INPP4A: variants seen among roughly 807,000 people sequenced by gnomAD.
INPP4A encodes the protein inositol polyphosphate-4-phosphatase type I A.
In INPP4A, 33 loss-of-function variants were observed where a neutral mutation model predicts 119.8. The ratio of observed to expected loss-of-function variants is 0.28; its 90% CI spans 0.21 to 0.37. The LOEUF (loss-of-function observed/expected upper bound fraction) is 0.37. Ranked by LOEUF, INPP4A falls within the 10% of genes least tolerant of loss-of-function variation. The probability of loss-of-function intolerance (pLI) is 1.00; values close to 1 mark genes in which losing one functional copy is unlikely to be tolerated. For missense variants in INPP4A, 956 were observed against 1,289.9 expected, an observed-to-expected ratio of 0.74 and a Z score of 3.97; for synonymous variants, 496 against 500.7, an observed-to-expected ratio of 0.99 and a Z score of 0.12.
chr2:98,490,855 AG>A lies in INPP4A; in HGVS notation c.-165-28105del, dbSNP rs1680581989. Among the ~76,000 whole-genome samples the A allele has an allele frequency of 1.3e-5, 2 of 152,208 alleles. 1 individual carries two copies. Among genetic ancestry groups the A allele is most frequent in the South Asian group, 4.1e-4 (2 of 4,836 alleles). On this transcript the variant is annotated intron_variant, in intron 1 of 24. Coordinates refer to ENST00000409851, the MANE Select transcript of INPP4A (RefSeq NM_001134225.2). ...CCTTTGGCTGTCATAACAAGTCATG[AG>A]GGGCTTTTGTTTGTTTTCCAAAATT...
chr2:98,474,281 G>T (rs1415176032), intron 1 of INPP4A, among the ~76,000 whole-genome samples: 1 of 152,202 alleles, frequency 6.6e-6, no homozygotes, highest in East Asian at 1.9e-4. Flanking sequence ...AGGGCCACCC[G>T]CAGCCTTCCC....
intron 24 of INPP4A, among the ~76,000 whole-genome samples, chr2:98,586,986 A>G (rs913742740): frequency 3.9e-5 from 6 of 152,236 alleles, no homozygotes; most frequent in African/African-American, 1.4e-4. Flanking sequence ...TGGCTTTGCT[A>G]CATGTTGAAT....
At chr2:98,447,046 T>A (rs1558845072) in intron 1 of INPP4A, among the ~76,000 whole-genome samples, 1 of 152,188 alleles carries the variant, frequency 6.6e-6, no homozygotes, top group Non-Finnish European at 1.5e-5. Flanking sequence ...GGAATGGACC[T>A]GAAGGCGGTG....
rs1455937301 is a variant in INPP4A, at chr2:98,588,879, G to A, written c.*1271G>A. On this transcript the variant is annotated 3_prime_UTR_variant, in exon 25 of 25. Coordinates refer to ENST00000409851, the MANE Select transcript of INPP4A (RefSeq NM_001134225.2). ...AATACATATGGCACATATTAATGAT[G>A]CTGATCCTAATGATTTGTGAACCTC... is the stretch of plus-strand genomic sequence containing the variant. 4.8e-6 allele frequency: 1 copy of A among 208,636 alleles called. No homozygotes were observed. The highest frequency in any genetic ancestry group is 9.7e-6 in the Non-Finnish European group (1 of 102,866). 12.9% of individuals were successfully genotyped at this position (208,636 alleles called of 1,614,324 possible). A position where few individuals can be genotyped will look rare whatever the true frequency, so the allele number is the denominator to read the frequency against.
chr2:98,558,565 C>G (rs1436308881), intron 16 of INPP4A, among the ~76,000 whole-genome samples: 2 of 152,186 alleles, frequency 1.3e-5, no homozygotes, highest in Non-Finnish European at 2.9e-5. Flanking sequence ...TTCTTTACAA[C>G]CTAGGTTGTA....
intron 1 of INPP4A, among the ~76,000 whole-genome samples, chr2:98,488,840 T>C (rs1306789229): frequency 6.7e-6 from 1 of 149,050 alleles, no homozygotes; most frequent in East Asian, 2.0e-4. Context: ...GGGGGTGGAG[T>C]AGGGAGTGTT....
intron 16 of INPP4A, among the ~76,000 whole-genome samples, chr2:98,557,473 G>A (rs185389122): frequency 6.6e-6 from 1 of 152,336 alleles, no homozygotes; most frequent in Admixed American, 6.5e-5. Flanking sequence ...GGTGAGTCTT[G>A]TCCACAGTGC....
At position 98,533,396 on chromosome 2, in the gene INPP4A, T is replaced by TC. The variant is rs1247004885; in HGVS notation, c.173dup (p.Ser59IlefsTer8). On this transcript the variant is annotated frameshift_variant, in exon 5 of 25. Coordinates refer to ENST00000409851, the MANE Select transcript of INPP4A (RefSeq NM_001134225.2). LOFTEE classifies it high-confidence loss of function. ...CTGTAGCTTGCAGTGAGCTGCATAC[T>TC]CCATCGCTAGATCGAAAGCCAAATA... is the stretch of plus-strand genomic sequence containing the variant. The TC allele has an allele frequency of 6.2e-7, 1 of 1,612,628 alleles. No individual in the cohort carries two copies.
Position 98,591,243 on chromosome 2 carries a change from C to G in INPP4A, c.*3635C>G, listed in dbSNP as rs974660586. ...TGGTGGTGTGGCTGCGTGCCCACGA[C>G]GAGGGGCTGGACTAAAGTGCTCACT... On this transcript the variant is annotated 3_prime_UTR_variant, in exon 25 of 25. Coordinates refer to ENST00000409851, the MANE Select transcript of INPP4A (RefSeq NM_001134225.2). The G allele has an allele frequency of 5.8e-6, 1 of 171,560 alleles. No individual in the cohort carries two copies. Among genetic ancestry groups the G allele is most frequent in the Non-Finnish European group, 1.3e-5 (1 of 79,378 alleles). 10.6% of individuals were successfully genotyped at this position (171,560 alleles called of 1,614,324 possible). A position where few individuals can be genotyped will look rare whatever the true frequency, so the allele number is the denominator to read the frequency against.
At chr2:98,581,960 T>C in intron 24 of INPP4A, 1 of 793,514 alleles carries the variant, frequency 1.3e-6, no homozygotes, top group East Asian at 3.0e-5. Context: ...TTTGTTTAGC[T>C]CCTGTAGCAT....
At chr2:98,481,328 T>TG (rs1678401710) in intron 1 of INPP4A, among the ~76,000 whole-genome samples, 2 of 151,994 alleles carry the variant, frequency 1.3e-5, no homozygotes, top group Admixed American at 1.3e-4. Flanking sequence ...GAAAATTCCC[T>TG]GGGGGGAAAG....
intron 16 of INPP4A, among the ~76,000 whole-genome samples, chr2:98,558,259 C>T (rs920221260): frequency 1.3e-4 from 20 of 152,170 alleles, no homozygotes; most frequent in African/African-American, 4.6e-4. Context: ...ATAAAACAGG[C>T]TCCTAGACCT....
In INPP4A at chr2:98,577,139, C is replaced by T. The variant is rs1271977013; in HGVS notation, c.2782C>T (p.Arg928Cys). 1 of 1,606,496 alleles carries T rather than the reference C, an allele frequency of 6.2e-7. No homozygotes were observed. The highest frequency in any genetic ancestry group is 8.5e-7 in the Non-Finnish European group (1 of 1,175,670). Reference protein sequence around the residue: ...QVFTQALECMRSEGCRRENTM... With the variant: ...QVFTQALECMCSEGCRRENTM... ...CTTCACCCAGGCCCTGGAGTGCATG[C>T]GCAGGTGAGTGCCGCAGCCAGGCCG... Residue 928 changes from arginine (R) to cysteine (C), a missense_variant, in exon 24 of 25, where the codon CGC becomes TGC. Physicochemically the swap from Arg to Cys is radical, Grantham distance 180. Around this residue, in one of 2 missense-constraint regions of INPP4A, gnomAD observed 304 missense variants for 492.1 expected, o/e 0.62. Transcript: ENST00000409851.
At chr2:98,498,954 G>A (rs973481468) in intron 1 of INPP4A, among the ~76,000 whole-genome samples, 9 of 152,156 alleles carry the variant, frequency 5.9e-5, no homozygotes, top group Non-Finnish European at 1.3e-4. Flanking sequence ...AATATCTATT[G>A]TTTAAGCCCC....
chr2:98,559,590 C>T, intron 17 of INPP4A, 95 bp downstream of exon 17: 11 of 1,330,016 alleles, frequency 8.3e-6, no homozygotes, highest in Non-Finnish European at 1.2e-5. Context: ...GCCTTATGAT[C>T]CCAGAGTTGG....
At chr2:98,491,105 A>G (rs1447823340) in intron 1 of INPP4A, among the ~76,000 whole-genome samples, 1 of 152,266 alleles carries the variant, frequency 6.6e-6, no homozygotes, top group African/African-American at 2.4e-5. Context: ...GTCGGCTTGC[A>G]GCAGAGACCC....
chr2:98,448,540 C>T (rs545694272), intron 1 of INPP4A, among the ~76,000 whole-genome samples: 29 of 152,150 alleles, frequency 1.9e-4, no homozygotes, highest in Admixed American at 8.5e-4. Flanking sequence ...GTTACCACGT[C>T]TTTCTTTTGT....
intron 1 of INPP4A, among the ~76,000 whole-genome samples, chr2:98,471,994 C>T (rs759447381): frequency 2.8e-4 from 42 of 152,228 alleles, no homozygotes; most frequent in Non-Finnish European, 5.1e-4. Context: ...GCCACCTGTC[C>T]TTGTCCCTCT....
At chr2:98,583,601 A>G (rs1029795545) in intron 24 of INPP4A, among the ~76,000 whole-genome samples, 3 of 152,184 alleles carry the variant, frequency 2.0e-5, no homozygotes, top group African/African-American at 4.8e-5. Flanking sequence ...TCCACTTTCT[A>G]TCTCCAGCTG....
Sources: gnomAD v4.1 joint callset for allele counts (sites outside exome capture counted in the v4.1 genomes callset) on GRCh38, gnomAD v4.1.1 for gene constraint, gnomAD v4.1.1 regional missense constraint, MANE v1.5 for transcripts, NCBI Gene and HGNC (gene_info 2026-07-23, HGNC 2026-07-21) for gene names.